CSGALNACT1: variants seen among roughly 807,000 people sequenced by gnomAD.
CSGALNACT1 encodes beta4GalNAcT-1.
Under a neutral mutation model 51.0 loss-of-function variants are expected in CSGALNACT1, and 52 were observed. The observed-to-expected ratio is 1.02, with a 90% CI of 0.82 to 1.29. The LOEUF (loss-of-function observed/expected upper bound fraction) is 1.29. Ranked by LOEUF, CSGALNACT1 falls within the 50% of genes most tolerant of loss-of-function variation. The probability of loss-of-function intolerance (pLI) is 0.00; values close to 1 mark genes in which losing one functional copy is unlikely to be tolerated. For missense variants in CSGALNACT1, 935 were observed against 679.2 expected, an observed-to-expected ratio of 1.38 and a Z score of -4.19; for synonymous variants, 341 against 254.4, an observed-to-expected ratio of 1.34 and a Z score of -3.24.
intron 8 of CSGALNACT1, among the ~76,000 whole-genome samples, chr8:19,418,272 T>A (rs974513955): frequency 6.6e-6 from 1 of 152,084 alleles, no homozygotes; most frequent in South Asian, 2.1e-4. Flanking sequence ...CTCTCTGGGG[T>A]GAGCCACCCC....
chr8:19,562,891 C>T (rs752058164), intron 3 of CSGALNACT1, among the ~76,000 whole-genome samples: 1 of 152,128 alleles, frequency 6.6e-6, no homozygotes, highest in Non-Finnish European at 1.5e-5. Context: ...AGATCTAAAA[C>T]CAGAAATATC....
At chr8:19,648,126 C>T (rs1472665391) in intron 1 of CSGALNACT1, among the ~76,000 whole-genome samples, 2 of 152,168 alleles carry the variant, frequency 1.3e-5, no homozygotes, top group Admixed American at 1.3e-4. Context: ...ACATATTATA[C>T]AGTTCCTCTA....
chr8:19,686,204 A>G (rs2060967826), upstream of CSGALNACT1, among the ~76,000 whole-genome samples: 1 of 152,188 alleles, frequency 6.6e-6, no homozygotes. Context: ...AGAGCCAAAG[A>G]GAGTTAAAAA....
intron 1 of CSGALNACT1, among the ~76,000 whole-genome samples, chr8:19,673,564 G>C (rs535530673): frequency 1.3e-5 from 2 of 152,184 alleles, no homozygotes; most frequent in South Asian, 2.1e-4. Flanking sequence ...TGAAAGCCAC[G>C]TGTATTTCCA....
rs145776699 is a variant in CSGALNACT1, at chr8:19,640,233, T to C, written c.-543-38368A>G. Among the ~76,000 whole-genome samples the C allele has an allele frequency of 5.0e-3, 755 of 152,342 alleles. 6 individuals are homozygous for C. Among genetic ancestry groups the C allele is most frequent in the African/African-American group, 0.017 (724 of 41,572 alleles). ...CAGCCACACATCAGTGTAATATTTG[T>C]ATATTTTGCTCACTTTATGAAATGT... On this transcript the variant is annotated intron_variant, in intron 1 of 9. Transcript: ENST00000332246.
chr8:19,532,437 T>G (rs2154056820), intron 3 of CSGALNACT1, among the ~76,000 whole-genome samples: 1 of 152,290 alleles, frequency 6.6e-6, no homozygotes, highest in African/African-American at 2.4e-5. Flanking sequence ...ATGTCTGTCT[T>G]CTCTTTTCTA....
intron 1 of CSGALNACT1, among the ~76,000 whole-genome samples, chr8:19,720,962 C>A (rs2063094098): frequency 6.6e-6 from 1 of 152,220 alleles, no homozygotes; most frequent in African/African-American, 2.4e-5. Flanking sequence ...CCTATAGGAG[C>A]TGCACAGCCA....
At chr8:19,691,215 C>A (rs2061297913) in intron 1 of CSGALNACT1, among the ~76,000 whole-genome samples, 2 of 152,170 alleles carry the variant, frequency 1.3e-5, no homozygotes. Flanking sequence ...GGTAATGCTC[C>A]AGGCAGCAGG....
intron 1 of CSGALNACT1, among the ~76,000 whole-genome samples, chr8:19,634,599 C>T (rs1030096916): frequency 1.3e-5 from 2 of 152,136 alleles, no homozygotes; most frequent in African/African-American, 4.8e-5. Flanking sequence ...GAGGTCTAGG[C>T]TGCAGTGAGC....
At chr8:19,459,743 AT>A (rs1430103468) in intron 4 of CSGALNACT1, among the ~76,000 whole-genome samples, 2 of 152,142 alleles carry the variant, frequency 1.3e-5, no homozygotes, top group African/African-American at 2.4e-5. Context: ...TGAGGAGTGA[AT>A]GTTTTTGTAT....
chr8:19,718,518 T>C (rs1028090875), intron 1 of CSGALNACT1, among the ~76,000 whole-genome samples: 1 of 152,332 alleles, frequency 6.6e-6, no homozygotes, highest in African/African-American at 2.4e-5. Flanking sequence ...TGAATCTGTG[T>C]TTTTAAAACA....
At chr8:19,700,577 T>C (rs1249988228) in intron 1 of CSGALNACT1, among the ~76,000 whole-genome samples, 2 of 152,196 alleles carry the variant, frequency 1.3e-5, no homozygotes, top group Admixed American at 6.5e-5. Flanking sequence ...CATGGTGGTA[T>C]CTATGAATGT....
At chr8:19,555,037 G>A (rs896295707) in intron 3 of CSGALNACT1, among the ~76,000 whole-genome samples, 3 of 151,630 alleles carry the variant, frequency 2.0e-5, no homozygotes, top group Admixed American at 6.6e-5. Flanking sequence ...TCAGGAGATC[G>A]AGACCATCCT....
intron 1 of CSGALNACT1, among the ~76,000 whole-genome samples, chr8:19,746,818 G>A (rs184380753): frequency 6.6e-6 from 1 of 152,212 alleles, no homozygotes; most frequent in East Asian, 1.9e-4. Flanking sequence ...AAACAAACAC[G>A]ATCAGCTTTA....
At chr8:19,550,711 G>C (rs1217823915) in intron 3 of CSGALNACT1, among the ~76,000 whole-genome samples, 1 of 152,012 alleles carries the variant, frequency 6.6e-6, no homozygotes, top group African/African-American at 2.4e-5. Context: ...ATTTCGGGGG[G>C]CAGGGGCCTT....
At chr8:19,467,449 G>C (rs1053791250) in intron 4 of CSGALNACT1, among the ~76,000 whole-genome samples, 1 of 151,878 alleles carries the variant, frequency 6.6e-6, no homozygotes, top group Admixed American at 6.6e-5. Flanking sequence ...CCTTTTCAGA[G>C]CCCTTCTTCC....
At chr8:19,611,713 A>G (rs76584704) in intron 1 of CSGALNACT1, among the ~76,000 whole-genome samples, 2 of 152,162 alleles carry the variant, frequency 1.3e-5, no homozygotes, top group African/African-American at 4.8e-5. Context: ...TGGCTTAAAA[A>G]GACTCTTTCT....
chr8:19,721,124 C>T (rs1388512832), intron 1 of CSGALNACT1, among the ~76,000 whole-genome samples: 1 of 152,216 alleles, frequency 6.6e-6, no homozygotes, highest in Non-Finnish European at 1.5e-5. Flanking sequence ...AAATGTTCCC[C>T]ATTGGGTTCT....
intron 3 of CSGALNACT1, among the ~76,000 whole-genome samples, chr8:19,509,799 G>C (rs1435841550): frequency 6.6e-6 from 1 of 152,168 alleles, no homozygotes. Context: ...TATGTTCACA[G>C]ACTTGCAGAT....
Sources: gnomAD v4.1 joint callset for allele counts (sites outside exome capture counted in the v4.1 genomes callset) on GRCh38, gnomAD v4.1.1 for gene constraint, MANE v1.5 for transcripts, NCBI Gene and HGNC (gene_info 2026-07-23, HGNC 2026-07-21) for gene names.